The following FER variants were observed in gnomAD, a reference collection of about 807,000 sequenced individuals.
FER encodes FER tyrosine kinase, also known as tyrosine-protein kinase Fer.
A neutral mutation model predicts 111.0 loss-of-function variants in FER; 63 were observed. The observed-to-expected ratio is 0.57, with a 90% CI of 0.46 to 0.70. The LOEUF (loss-of-function observed/expected upper bound fraction) is 0.70, where lower values mean the gene tolerates loss of function less well. Among genes scored for constraint, FER ranks in the 30% least tolerant of loss-of-function variants. The pLI is 0.00. For synonymous variants in FER, 327 were observed against 313.9 expected (o/e 1.04, Z -0.44); for missense variants, 914 against 954.0 (o/e 0.96, Z 0.55).
At chr5:109,057,171 C>CCA (rs1422387710) in intron 16 of FER, among the ~76,000 whole-genome samples, 2 of 152,092 alleles carry the variant, frequency 1.3e-5, no homozygotes, top group Non-Finnish European at 2.9e-5. Flanking sequence ...CACTGATGTA[C>CCA]CACTAAAAGA....
At chr5:109,067,261 T>TTGTTGTTGC (rs1480285870) in intron 16 of FER, among the ~76,000 whole-genome samples, 7 of 150,528 alleles carry the variant, frequency 4.7e-5, no homozygotes, top group African/African-American at 1.5e-4. Flanking sequence ...GTTGTTGTTG[T>TTGTTGTTGC]TGCTGTTGCT....
chr5:108,964,968 C>T (rs1444008336), intron 13 of FER, among the ~76,000 whole-genome samples: 2 of 151,802 alleles, frequency 1.3e-5, no homozygotes, highest in African/African-American at 2.4e-5. Flanking sequence ...TTTGAAAAGA[C>T]ATAAGAGTGA....
chr5:108,767,540 A>G lies in FER; in HGVS notation c.-205-553A>G, dbSNP rs1207655366. ...TGCTCTGTCATCCGAGCTGAGGTGC[A>G]GTGGCATGATCATGGCTCACTGCAG... On this transcript the variant is annotated intron_variant, in intron 1 of 19. Coordinates refer to ENST00000281092, the MANE Select transcript of FER (RefSeq NM_005246.4). Among the ~76,000 whole-genome samples, 5 of 152,178 alleles carry G rather than the reference A, an allele frequency of 3.3e-5. No individual in the cohort carries two copies. The South Asian group carries it at 8.3e-4, about 25-fold the overall frequency.
At chr5:109,158,428 T>C (rs1341853292) in intron 17 of FER, among the ~76,000 whole-genome samples, 1 of 151,978 alleles carries the variant, frequency 6.6e-6, no homozygotes, top group African/African-American at 2.4e-5. Context: ...TAAAAATTAG[T>C]CTATATTTTA....
Position 109,193,488 on chromosome 5 carries a change from A to ACTAT in FER, c.*5916_*5919dup, listed in dbSNP as rs1759520194. The ACTAT allele has an allele frequency of 1.3e-5, 2 of 152,218 alleles. No individual in the cohort carries two copies. The highest frequency in any genetic ancestry group is 1.5e-5 in the Non-Finnish European group (1 of 68,042). The allele number at this position is 152,218 out of a possible 1,614,324, so 9.4% of individuals were successfully genotyped here. Reference sequence around the variant, plus strand: ...AAGAGATACAAATCCTGAATTTCTAACTATCTTCTCAAATATTACTGAGGC... The same window carrying ACTAT: ...AAGAGATACAAATCCTGAATTTCTAACTATCTATCTTCTCAAATATTACTGAGGC... On this transcript the variant is annotated 3_prime_UTR_variant, in exon 20 of 20. Transcript: ENST00000281092.
At chr5:109,186,812 G>C (rs1582451871) in intron 19 of FER, among the ~76,000 whole-genome samples, 1 of 152,184 alleles carries the variant, frequency 6.6e-6, no homozygotes, top group East Asian at 1.9e-4. Flanking sequence ...GTAGCATACA[G>C]TCTCGACAAA....
intron 16 of FER, among the ~76,000 whole-genome samples, chr5:109,066,541 G>T (rs1027854525): frequency 7.9e-5 from 12 of 152,052 alleles, no homozygotes; most frequent in Admixed American, 3.9e-4. Context: ...ATTTGATGGA[G>T]CTTTATTATT....
Position 108,782,662 on chromosome 5 carries a change from G to A in FER, c.-60+14424G>A, listed in dbSNP as rs936310636. The A allele has an allele frequency of 2.0e-5, 3 of 152,030 alleles. 1 individual carries two copies. The highest frequency in any genetic ancestry group is 7.2e-5 in the African/African-American group (3 of 41,466). The allele number at this position is 152,030 out of a possible 1,614,324, so 9.4% of individuals were successfully genotyped here. Reference sequence around the variant, plus strand: ...TTGTTTTCTTTTTATTTTTTTGGTAGAGATGGGGTCGCGCTTTGTTGCCTA... The same window carrying A: ...TTGTTTTCTTTTTATTTTTTTGGTAAAGATGGGGTCGCGCTTTGTTGCCTA... On this transcript the variant is annotated intron_variant, in intron 2 of 19. Coordinates refer to ENST00000281092, the MANE Select transcript of FER (RefSeq NM_005246.4).
intron 3 of FER, among the ~76,000 whole-genome samples, chr5:108,826,600 A>C (rs938715189): frequency 1.3e-5 from 2 of 152,108 alleles, no homozygotes; most frequent in African/African-American, 4.8e-5. Context: ...TGTCAGGGTA[A>C]TACTGGCTTC....
intron 6 of FER, 55 bp from the exon 7 acceptor site, chr5:108,871,310 A>T: frequency 7.1e-7 from 1 of 1,408,416 alleles, no homozygotes; most frequent in Admixed American, 1.9e-5. Flanking sequence ...TTTTTGAGAT[A>T]GTATCTCTCT....
At chr5:108,863,056 A>G (rs1181312217) in intron 5 of FER, among the ~76,000 whole-genome samples, 1 of 152,150 alleles carries the variant, frequency 6.6e-6, no homozygotes, top group Non-Finnish European at 1.5e-5. Context: ...GGGTGGGGAC[A>G]AAAAGGGGTG....
intron 10 of FER, among the ~76,000 whole-genome samples, chr5:108,904,795 T>A (rs1322094349): frequency 6.6e-6 from 1 of 152,194 alleles, no homozygotes; most frequent in Non-Finnish European, 1.5e-5. Context: ...CAATGTCAGT[T>A]ATAGATATTA....
intron 17 of FER, among the ~76,000 whole-genome samples, chr5:109,140,769 A>T (rs1335332049): frequency 6.6e-6 from 1 of 152,184 alleles, no homozygotes; most frequent in Non-Finnish European, 1.5e-5. Context: ...GAGCCATCTG[A>T]TAATAGGGTG....
intron 10 of FER, among the ~76,000 whole-genome samples, chr5:108,902,669 C>T (rs1750209118): frequency 6.6e-6 from 1 of 152,152 alleles, no homozygotes; most frequent in Non-Finnish European, 1.5e-5. Flanking sequence ...TAAATCCTTT[C>T]TTATTGAATT....
At chr5:108,788,301 C>A (rs1348182278) in intron 2 of FER, among the ~76,000 whole-genome samples, 1 of 152,154 alleles carries the variant, frequency 6.6e-6, no homozygotes, top group African/African-American at 2.4e-5. Flanking sequence ...CCTGGCTGTA[C>A]ACAGTGGACA....
intron 5 of FER, chr5:108,842,702 T>G (rs754096847): frequency 2.0e-5 from 3 of 152,134 alleles, no homozygotes; most frequent in Non-Finnish European, 2.9e-5. Context: ...GATACCTCCT[T>G]ACTCCTGCAA....
chr5:109,154,087 A>C (rs191042704), intron 17 of FER, among the ~76,000 whole-genome samples: 108 of 151,722 alleles, frequency 7.1e-4, no homozygotes, highest in African/African-American at 2.4e-3. Flanking sequence ...CAAAAAAAAA[A>C]CCCATGCTGC....
chr5:108,924,516 T>G (rs764287574), intron 10 of FER: 9 of 985,112 alleles, frequency 9.1e-6, no homozygotes, highest in Non-Finnish European at 1.2e-5. Flanking sequence ...CTAGTATACT[T>G]CCATGCCAAC....
intron 13 of FER, among the ~76,000 whole-genome samples, chr5:108,998,123 C>G (rs570795841): frequency 4.0e-5 from 6 of 151,432 alleles, no homozygotes; most frequent in Non-Finnish European, 8.8e-5. Flanking sequence ...GGCTTCATCT[C>G]CCTTTCCCCG....
Sources: gnomAD v4.1 joint callset for allele counts (sites outside exome capture counted in the v4.1 genomes callset) on GRCh38, gnomAD v4.1.1 for gene constraint, MANE v1.5 for transcripts, NCBI Gene and HGNC (gene_info 2026-07-23, HGNC 2026-07-21) for gene names.